PTPRD: variants seen among roughly 807,000 people sequenced by gnomAD.
PTPRD encodes the protein protein tyrosine phosphatase receptor type D.
A neutral mutation model predicts 214.5 loss-of-function variants in PTPRD; 34 were observed. That is an observed-to-expected ratio of 0.16 (90% CI 0.12 to 0.21). The LOEUF (loss-of-function observed/expected upper bound fraction) is 0.21, where lower values mean the gene tolerates loss of function less well. Among genes scored for constraint, PTPRD ranks in the 10% least tolerant of loss-of-function variants. The probability of loss-of-function intolerance (pLI) is 1.00; values close to 1 mark genes in which losing one functional copy is unlikely to be tolerated. For missense variants in PTPRD, 2,545 were observed against 2,398.7 expected (o/e 1.06, Z -1.27); for synonymous variants, 1,128 against 845.7 (o/e 1.33, Z -5.79).
chr9:9,847,916 G>A (rs1025856970), intron 5 of PTPRD, among the ~76,000 whole-genome samples: 18 of 152,178 alleles, frequency 1.2e-4, no homozygotes, highest in Admixed American at 8.5e-4. Flanking sequence ...GCAGATCCAC[G>A]TGATGAAGCT....
At chr9:10,087,435 G>A (rs2098362353) in intron 3 of PTPRD, among the ~76,000 whole-genome samples, 1 of 151,600 alleles carries the variant, frequency 6.6e-6, no homozygotes, top group African/African-American at 2.4e-5. Flanking sequence ...TATTGAAGAT[G>A]TGGGCAACTT....
At chr9:10,496,927 GTTTA>G (rs748549175) in intron 2 of PTPRD, among the ~76,000 whole-genome samples, 3 of 151,880 alleles carry the variant, frequency 2.0e-5, no homozygotes, top group Non-Finnish European at 2.9e-5. Flanking sequence ...TTTGTTGATA[GTTTA>G]TTTTTCTGTG....
chr9:9,108,346 C>T (rs1026052217), intron 10 of PTPRD, among the ~76,000 whole-genome samples: 1 of 152,032 alleles, frequency 6.6e-6, no homozygotes, highest in Non-Finnish European at 1.5e-5. Context: ...TTCATTTGAC[C>T]CAGCAGAGGA....
intron 7 of PTPRD, among the ~76,000 whole-genome samples, chr9:9,647,594 C>T (rs1229573058): frequency 6.6e-6 from 1 of 152,112 alleles, no homozygotes; most frequent in Non-Finnish European, 1.5e-5. Flanking sequence ...GGCCAAAAAT[C>T]AAATTTTGTT....
chr9:9,279,382 C>T (rs1210783869), intron 9 of PTPRD, among the ~76,000 whole-genome samples: 1 of 145,050 alleles, frequency 6.9e-6, no homozygotes, highest in African/African-American at 2.5e-5. Context: ...CTGCTGCTGG[C>T]AATAGATAGA....
At chr9:9,943,379 A>C (rs183304481) in intron 4 of PTPRD, among the ~76,000 whole-genome samples, 3 of 152,284 alleles carry the variant, frequency 2.0e-5, no homozygotes, top group Admixed American at 2.0e-4. Context: ...TTAGTATTCA[A>C]TGTATCACAA....
At chr9:10,173,046 TAACA>T (rs1376617049) in intron 3 of PTPRD, among the ~76,000 whole-genome samples, 69 of 152,220 alleles carry the variant, frequency 4.5e-4, no homozygotes, top group Admixed American at 4.5e-3. Flanking sequence ...ATTAATTACC[TAACA>T]AATAATTCAT....
chr9:8,932,388 C>CT (rs1464029065), intron 11 of PTPRD, among the ~76,000 whole-genome samples: 1 of 152,132 alleles, frequency 6.6e-6, no homozygotes, highest in Non-Finnish European at 1.5e-5. Flanking sequence ...CAAACAATAT[C>CT]TTTGTTTCTG....
intron 35 of PTPRD, among the ~76,000 whole-genome samples, chr9:8,428,473 C>G (rs1323072842): frequency 6.6e-6 from 1 of 152,074 alleles, no homozygotes; most frequent in Non-Finnish European, 1.5e-5. Flanking sequence ...TAAAAACAAT[C>G]TTTTATCTCT....
At chr9:8,782,271 A>G (rs1001601434) in intron 11 of PTPRD, among the ~76,000 whole-genome samples, 1 of 152,116 alleles carries the variant, frequency 6.6e-6, no homozygotes, top group Non-Finnish European at 1.5e-5. Context: ...TGCGGTGAAA[A>G]TATTTAAAAT....
intron 4 of PTPRD, among the ~76,000 whole-genome samples, chr9:9,958,735 G>A (rs1230621058): frequency 5.9e-5 from 9 of 152,002 alleles, no homozygotes; most frequent in African/African-American, 2.2e-4. Flanking sequence ...AAATGCATAA[G>A]GTATCTGGAC....
intron 11 of PTPRD, among the ~76,000 whole-genome samples, chr9:8,933,860 A>G (rs2154286545): frequency 6.6e-6 from 1 of 152,298 alleles, no homozygotes; most frequent in African/African-American, 2.4e-5. Flanking sequence ...AATGGTCAAA[A>G]GTTTAACAGA....
intron 8 of PTPRD, among the ~76,000 whole-genome samples, chr9:9,542,673 A>G (rs1399452762): frequency 6.6e-6 from 1 of 151,786 alleles, no homozygotes; most frequent in Non-Finnish European, 1.5e-5. Context: ...CACATCCTAA[A>G]AGAGATATAT....
chr9:10,372,884 C>A (rs1014055980), intron 2 of PTPRD, among the ~76,000 whole-genome samples: 1 of 149,784 alleles, frequency 6.7e-6, no homozygotes. Flanking sequence ...TAGTCTTGCT[C>A]TATCACCCAG....
chr9:8,609,123 T>C (rs1300581771), intron 14 of PTPRD, among the ~76,000 whole-genome samples: 1 of 152,240 alleles, frequency 6.6e-6, no homozygotes, highest in Non-Finnish European at 1.5e-5. Context: ...TACGTTTGTC[T>C]CCTCAATGAA....
intron 2 of PTPRD, among the ~76,000 whole-genome samples, chr9:10,524,251 A>T (rs2134329870): frequency 6.6e-6 from 1 of 152,192 alleles, no homozygotes; most frequent in Non-Finnish European, 1.5e-5. Context: ...GGCACTTGGG[A>T]GCATCTATCA....
intron 2 of PTPRD, among the ~76,000 whole-genome samples, chr9:10,389,901 A>T (rs1444381142): frequency 6.6e-6 from 1 of 151,772 alleles, no homozygotes; most frequent in African/African-American, 2.4e-5. Flanking sequence ...AAACAGGTGG[A>T]GCTTACCATT....
intron 11 of PTPRD, among the ~76,000 whole-genome samples, chr9:8,893,611 G>C (rs917801840): frequency 6.6e-6 from 1 of 152,176 alleles, no homozygotes; most frequent in Non-Finnish European, 1.5e-5. Flanking sequence ...CACCTGCTTT[G>C]AGAGCACTTT....
intron 2 of PTPRD, among the ~76,000 whole-genome samples, chr9:10,536,616 G>A (rs571297676): frequency 6.6e-6 from 1 of 152,124 alleles, no homozygotes; most frequent in Non-Finnish European, 1.5e-5. Context: ...TGTTTTGCTG[G>A]AACTATGCAG....
Sources: allele counts gnomAD v4.1 joint callset (sites outside exome capture counted in the v4.1 genomes callset), GRCh38; gene constraint gnomAD v4.1.1; transcripts MANE v1.5; gene names NCBI Gene and HGNC (gene_info 2026-07-23, HGNC 2026-07-21).